PRKAA2: variants seen among roughly 807,000 people sequenced by gnomAD.
The protein encoded by PRKAA2 is 5'-AMP-activated protein kinase catalytic subunit alpha-2.
PRKAA2 carries 40 observed loss-of-function variants against 56.3 expected under a neutral mutation model. That is an observed-to-expected ratio of 0.71 (90% CI 0.55 to 0.92). PRKAA2 has a LOEUF of 0.92. Among genes scored for constraint, PRKAA2 ranks in the 40% least tolerant of loss-of-function variants. PRKAA2 has a pLI of 0.00. For synonymous variants in PRKAA2, 214 were observed against 234.2 expected, an observed-to-expected ratio of 0.91 and a Z score of 0.79; for missense variants, 542 against 686.9, an observed-to-expected ratio of 0.79 and a Z score of 2.36.
chr1:56,707,781 C>G lies in PRKAA2; in HGVS notation c.*68C>G. 2 of 1,378,366 alleles carry G rather than the reference C, an allele frequency of 1.5e-6. No homozygotes were observed. The highest frequency in any genetic ancestry group is 2.3e-5 in the East Asian group (1 of 43,616). The allele number at this position is 1,378,366 out of a possible 1,614,324, so 85.4% of individuals were successfully genotyped here. A position where few individuals can be genotyped will look rare whatever the true frequency, so the allele number is the denominator to read the frequency against. ...TTATATTCTTTAAATTTTTATCTTA[C>G]TTTTGGATAATATCCACTGCAATAC... On this transcript the variant is annotated 3_prime_UTR_variant, in exon 9 of 9. Coordinates refer to ENST00000371244, the MANE Select transcript of PRKAA2 (RefSeq NM_006252.4).
chr1:56,674,831 T>A (rs1254712627), intron 2 of PRKAA2, among the ~76,000 whole-genome samples: 1 of 152,102 alleles, frequency 6.6e-6, no homozygotes, highest in African/African-American at 2.4e-5. Context: ...AGAAGTTGAT[T>A]CTTATCCAAC....
At chr1:56,655,060 C>G (rs958880861) in intron 1 of PRKAA2, among the ~76,000 whole-genome samples, 1 of 150,978 alleles carries the variant, frequency 6.6e-6, no homozygotes, top group Non-Finnish European at 1.5e-5. Context: ...TGTTCTTATT[C>G]AACATCTCAG....
chr1:56,670,568 G>A (rs1473320079), intron 1 of PRKAA2, among the ~76,000 whole-genome samples: 4 of 152,158 alleles, frequency 2.6e-5, no homozygotes, highest in Non-Finnish European at 5.9e-5. Context: ...CTAAGATGCA[G>A]GCTGTACGCT....
chr1:56,697,832 A>G (rs2100430185), intron 6 of PRKAA2, among the ~76,000 whole-genome samples: 1 of 151,952 alleles, frequency 6.6e-6, no homozygotes, highest in South Asian at 2.1e-4. Context: ...AAAAAGTCAA[A>G]TGGTAATGAT....
At chr1:56,659,353 T>A (rs1041503795) in intron 1 of PRKAA2, among the ~76,000 whole-genome samples, 1 of 151,422 alleles carries the variant, frequency 6.6e-6, no homozygotes, top group Admixed American at 6.6e-5. Flanking sequence ...AAAAATGAGC[T>A]GGGCATGGTG....
At chr1:56,686,706 G>T (rs1219315264) in intron 2 of PRKAA2, among the ~76,000 whole-genome samples, 1 of 151,972 alleles carries the variant, frequency 6.6e-6, no homozygotes, top group Non-Finnish European at 1.5e-5. Context: ...AGGCAATGGT[G>T]CTAAACCATT....
At chr1:56,650,413 T>A (rs10889003) in intron 1 of PRKAA2, among the ~76,000 whole-genome samples, 1 of 151,560 alleles carries the variant, frequency 6.6e-6, no homozygotes, top group South Asian at 2.1e-4. Flanking sequence ...ATTGACTGTT[T>A]AGGCTCTCAC....
intron 1 of PRKAA2, among the ~76,000 whole-genome samples, chr1:56,661,818 A>C (rs940915274): frequency 2.6e-5 from 4 of 152,000 alleles, no homozygotes; most frequent in Admixed American, 1.3e-4. Flanking sequence ...TTGTTATTTA[A>C]GTTGTTTGAG....
chr1:56,676,190 T>A (rs1415788104), intron 2 of PRKAA2, among the ~76,000 whole-genome samples: 1 of 152,214 alleles, frequency 6.6e-6, no homozygotes, highest in African/African-American at 2.4e-5. Context: ...TTTGTGAATA[T>A]GTTAGGTTGC....
chr1:56,694,293 A>G (rs1386839501), intron 5 of PRKAA2, among the ~76,000 whole-genome samples: 2 of 152,220 alleles, frequency 1.3e-5, no homozygotes, highest in African/African-American at 4.8e-5. Flanking sequence ...AAATTACACA[A>G]GTAGAGATTG....
At chr1:56,678,621 A>G (rs1291959420) in intron 2 of PRKAA2, among the ~76,000 whole-genome samples, 1 of 151,932 alleles carries the variant, frequency 6.6e-6, no homozygotes, top group East Asian at 1.9e-4. Context: ...TCTTTCCTCC[A>G]TAATTCTTAA....
chr1:56,658,380 A>G (rs1019816470), intron 1 of PRKAA2, among the ~76,000 whole-genome samples: 3 of 152,184 alleles, frequency 2.0e-5, no homozygotes, highest in South Asian at 2.1e-4. Flanking sequence ...TAAGAGAGAC[A>G]AAAAGAAAAT....
chr1:56,654,069 A>G (rs994023271), intron 1 of PRKAA2, among the ~76,000 whole-genome samples: 2 of 152,108 alleles, frequency 1.3e-5, no homozygotes, highest in African/African-American at 4.8e-5. Flanking sequence ...GGCTATACAT[A>G]TATTTTCAGT....
rs540274833 is a variant in PRKAA2, at chr1:56,692,501, C to T, written c.474C>T (p.Phe158=). 108 of 1,613,622 alleles carry T rather than the reference C, an allele frequency of 6.7e-5. 2 individuals are homozygous for T. The South Asian group carries it at 1.1e-3, about 17-fold the overall frequency. The change falls in exon 4 of 9, where the codon TTC becomes TTT. Residue 158 remains phenylalanine, a splice_region_variant and synonymous_variant. Coordinates refer to ENST00000371244, the MANE Select transcript of PRKAA2 (RefSeq NM_006252.4). ...ACATGAATGCCAAGATAGCCGATTT[C>T]GGTATGTAACTCCAGGGTTGTTCAG... is the stretch of plus-strand genomic sequence containing the variant. ...DAHMNAKIAD[F]GLSNMMSDGE... is the part of the protein sequence containing the mutation.
rs1243016362 is a variant in PRKAA2 at position 56,700,816 on chromosome 1, A to G, written c.789-3155A>G. ...GAGCTCTAAACTATTCTGCTCCTCT[A>G]TTCTCCCCACCTCAATGCCCCAGTG... is the stretch of plus-strand genomic sequence containing the variant. On this transcript the variant is annotated intron_variant, in intron 6 of 8. Coordinates refer to ENST00000371244, the MANE Select transcript of PRKAA2 (RefSeq NM_006252.4). Among the ~76,000 whole-genome samples the G allele has an allele frequency of 5.3e-5, 8 of 151,830 alleles. No individual in the cohort carries two copies. In the East Asian group the frequency reaches 1.6e-3, roughly 29 times the overall value.
In PRKAA2 at chr1:56,715,185, G is replaced by A. The variant is rs1182635248; in HGVS notation, c.*7472G>A. 1 of 152,108 alleles carries A rather than the reference G, an allele frequency of 6.6e-6. No individual in the cohort carries two copies. Among genetic ancestry groups the A allele is most frequent in the Admixed American group, 6.5e-5 (1 of 15,268 alleles). 9.4% of individuals were successfully genotyped at this position (152,108 alleles called of 1,614,324 possible). A position where few individuals can be genotyped will look rare whatever the true frequency, so the allele number is the denominator to read the frequency against. ...AAAAGATGTCTTCCTGAATTACATA[G>A]CATTTCATAGTTACAGATTCTTCCT... On this transcript the variant is annotated 3_prime_UTR_variant, in exon 9 of 9. Transcript: ENST00000371244.
At chr1:56,697,189 A>C (rs1644264548) in intron 6 of PRKAA2, among the ~76,000 whole-genome samples, 1 of 149,962 alleles carries the variant, frequency 6.7e-6, no homozygotes, top group African/African-American at 2.4e-5. Flanking sequence ...AATTTTTTTT[A>C]ATTTTTTTAT....
chr1:56,662,897 G>C (rs1341393433), intron 1 of PRKAA2, among the ~76,000 whole-genome samples: 4 of 152,052 alleles, frequency 2.6e-5, no homozygotes, highest in African/African-American at 9.7e-5. Context: ...GCATTGTCAT[G>C]GTGGAGAAGG....
intron 6 of PRKAA2, among the ~76,000 whole-genome samples, chr1:56,702,296 C>T (rs857152): frequency 0.13 from 19,512 of 152,040 alleles, 1,346 homozygotes; most frequent in South Asian, 0.25. Flanking sequence ...TTGGTCAGGC[C>T]GGTCTCGAAC....
Sources: allele counts gnomAD v4.1 joint callset (sites outside exome capture counted in the v4.1 genomes callset), GRCh38; gene constraint gnomAD v4.1.1; transcripts MANE v1.5; gene names NCBI Gene and HGNC (gene_info 2026-07-23, HGNC 2026-07-21).